TLN2: variants seen among roughly 807,000 people sequenced by gnomAD.
TLN2 encodes talin 2, also known as talin-2.
In TLN2, 118 loss-of-function variants were observed where a neutral mutation model predicts 294.7. The observed-to-expected ratio is 0.40, with a 90% CI of 0.34 to 0.47. The LOEUF is 0.47. TLN2 is among the 20% of genes least tolerant of loss of function. The pLI, the probability that TLN2 is intolerant of heterozygous loss-of-function variation, is 0.84. For synonymous variants in TLN2, 1,431 were observed against 1,304.5 expected, an observed-to-expected ratio of 1.10 and a Z score of -2.09; for missense variants, 3,083 against 3,282.2, an observed-to-expected ratio of 0.94 and a Z score of 1.48.
At chr15:62,534,879 T>G (rs1330787427) in intron 1 of TLN2, among the ~76,000 whole-genome samples, 5 of 152,108 alleles carry the variant, frequency 3.3e-5, no homozygotes, top group Admixed American at 3.3e-4. Flanking sequence ...GTGAGGCAGT[T>G]GCCTCTGTTC....
chr15:62,694,840 A>G (rs557921733), intron 14 of TLN2, among the ~76,000 whole-genome samples: 37 of 152,160 alleles, frequency 2.4e-4, no homozygotes, highest in Non-Finnish European at 5.1e-4. Flanking sequence ...GAGTGCTGTG[A>G]GGTAGCATAG....
chr15:62,417,007 C>G (rs1595756378), intron 1 of TLN2, among the ~76,000 whole-genome samples: 1 of 152,160 alleles, frequency 6.6e-6, no homozygotes, highest in East Asian at 1.9e-4. Flanking sequence ...CCCAGTGGCT[C>G]AGAAGCCTAA....
intron 1 of TLN2, among the ~76,000 whole-genome samples, chr15:62,527,497 G>A (rs1262804444): frequency 2.6e-5 from 4 of 152,192 alleles, no homozygotes; most frequent in African/African-American, 4.8e-5. Flanking sequence ...GGCCTCTCAC[G>A]TTGGTGACAG....
At chr15:62,553,613 G>A (rs1045101483) in intron 1 of TLN2, among the ~76,000 whole-genome samples, 7 of 152,146 alleles carry the variant, frequency 4.6e-5, no homozygotes, top group African/African-American at 1.7e-4. Context: ...CCTCATGAGT[G>A]TTAAGAATTT....
At chr15:62,719,946 G>C (rs564837964) in intron 25 of TLN2, 66 bp downstream of exon 25, 52 of 1,246,738 alleles carry the variant, frequency 4.2e-5, no homozygotes, top group Non-Finnish European at 5.2e-5. Flanking sequence ...TGCCCTTTAA[G>C]GAGAGGAGTT....
intron 1 of TLN2, among the ~76,000 whole-genome samples, chr15:62,538,090 T>C (rs1168359670): frequency 6.6e-6 from 1 of 152,066 alleles, no homozygotes; most frequent in Non-Finnish European, 1.5e-5. Flanking sequence ...GGCATGGTGA[T>C]GGGCGCCTGT....
intron 19 of TLN2, 102 bp downstream of exon 19, chr15:62,702,966 A>T (rs1043054057): frequency 1.8e-5 from 19 of 1,049,908 alleles, no homozygotes; most frequent in Middle Eastern, 4.2e-4. Flanking sequence ...AATCTTTGAG[A>T]TAGTCAAGAA....
chr15:62,438,038 G>A (rs1022731382), intron 1 of TLN2, among the ~76,000 whole-genome samples: 2 of 152,182 alleles, frequency 1.3e-5, no homozygotes, highest in Non-Finnish European at 2.9e-5. Context: ...GCTCACTGGG[G>A]AAGGCAAGTG....
At chr15:62,566,928 A>T (rs972806696) in intron 1 of TLN2, among the ~76,000 whole-genome samples, 2 of 152,140 alleles carry the variant, frequency 1.3e-5, no homozygotes, top group Non-Finnish European at 2.9e-5. Flanking sequence ...AAATATATAC[A>T]GAATTAGAAA....
At chr15:62,665,139 C>G (rs1375664666) in intron 9 of TLN2, among the ~76,000 whole-genome samples, 1 of 152,118 alleles carries the variant, frequency 6.6e-6, no homozygotes, top group African/African-American at 2.4e-5. Context: ...GTGGCGCCAT[C>G]TTAGCCTCCA....
chr15:62,529,804 T>A (rs1473992690), intron 1 of TLN2, among the ~76,000 whole-genome samples: 1 of 152,224 alleles, frequency 6.6e-6, no homozygotes, highest in East Asian at 1.9e-4. Flanking sequence ...TCAGGAGATT[T>A]AAAAAATGGC....
At chr15:62,660,865 A>G (rs1351533710) in intron 9 of TLN2, among the ~76,000 whole-genome samples, 2 of 152,194 alleles carry the variant, frequency 1.3e-5, no homozygotes, top group African/African-American at 4.8e-5. Context: ...TGAAATGGTT[A>G]TTATGCAGAA....
intron 12 of TLN2, among the ~76,000 whole-genome samples, 154 bp from the exon 13 acceptor site, chr15:62,692,686 T>C (rs2058024111): frequency 2.0e-5 from 3 of 152,326 alleles, no homozygotes; most frequent in Admixed American, 1.3e-4. Context: ...TTGTTGAATA[T>C]TGTTGAATAA....
chr15:62,643,405 A>ATTTTTTTTTTTTTTTTTTTTTT (rs571288380), intron 3 of TLN2, among the ~76,000 whole-genome samples: 9 of 90,744 alleles, frequency 9.9e-5, no homozygotes, highest in African/African-American at 1.6e-4. Context: ...TGGTTCCAGG[A>ATTTTTTTTTTTTTTTTTTTTTT]TTTTTTTTTT....
At chr15:62,613,098 T>C (rs1209473165) in intron 2 of TLN2, among the ~76,000 whole-genome samples, 1 of 152,200 alleles carries the variant, frequency 6.6e-6, no homozygotes, top group Non-Finnish European at 1.5e-5. Context: ...TGACCATGGG[T>C]AATTTATTTG....
intron 54 of TLN2, chr15:62,827,598 C>A (rs62004655): frequency 0.034 from 5,124 of 152,172 alleles, 121 homozygotes; most frequent in Middle Eastern, 0.061. Context: ...GAGCTGGTGC[C>A]CATCTATGCT....
chr15:62,708,987 C>T (rs1012138869), intron 21 of TLN2, among the ~76,000 whole-genome samples, 191 bp downstream of exon 21: 1 of 152,214 alleles, frequency 6.6e-6, no homozygotes, highest in African/African-American at 2.4e-5. Context: ...CAGATTTCTA[C>T]AGAGTTCACT....
intron 1 of TLN2, among the ~76,000 whole-genome samples, chr15:62,410,337 A>C (rs1174575546): frequency 6.6e-6 from 1 of 152,196 alleles, no homozygotes; most frequent in African/African-American, 2.4e-5. Context: ...ATTCTTGAAA[A>C]GTTAGAGATA....
chr15:62,406,940 A>G (rs1246268324), intron 1 of TLN2, among the ~76,000 whole-genome samples: 1 of 152,214 alleles, frequency 6.6e-6, no homozygotes, highest in Non-Finnish European at 1.5e-5. Flanking sequence ...AGGTTTTAGA[A>G]TATTGGACTT....
Sources: allele counts gnomAD v4.1 joint callset (sites outside exome capture counted in the v4.1 genomes callset), GRCh38; gene constraint gnomAD v4.1.1; transcripts MANE v1.5; gene names NCBI Gene and HGNC (gene_info 2026-07-23, HGNC 2026-07-21).